The following SNRPN variants were observed in gnomAD, a reference collection of about 807,000 sequenced individuals.
The protein encoded by SNRPN is small nuclear ribonucleoprotein-associated protein N.
A neutral mutation model predicts 25.2 loss-of-function variants in SNRPN; 7 were observed. That is an observed-to-expected ratio of 0.28 (90% confidence interval 0.16 to 0.52). The LOEUF is 0.52. Ranked by LOEUF, SNRPN falls within the 20% of genes least tolerant of loss-of-function variation. The pLI is 0.96. For missense variants in SNRPN, 196 were observed against 322.5 expected, an observed-to-expected ratio of 0.61 and a Z score of 3.00; for synonymous variants, 124 against 110.6, an observed-to-expected ratio of 1.12 and a Z score of -0.76.
chr15:24,975,882 A>G (rs1047617144), intron 5 of SNRPN, among the ~76,000 whole-genome samples: 1 of 152,200 alleles, frequency 6.6e-6, no homozygotes, highest in African/African-American at 2.4e-5. Flanking sequence ...AGGAGTTGGG[A>G]TATGGTTGCC....
rs532668044 is a variant in SNRPN at position 24,861,086 on chromosome 15, G to A, written c.-579+4370G>A. Among the ~76,000 whole-genome samples, 11 of 152,246 alleles carry A rather than the reference G, an allele frequency of 7.2e-5. No individual in the cohort carries two copies. In the South Asian group the frequency reaches 1.9e-3, roughly 26 times the overall value. ...ATTGTGCCACTGCACTCTAGCCTGG[G>A]CAACAGAGTGAGACCCCATCTCAAA... On this transcript the variant is annotated intron_variant, in intron 1 of 11. Coordinates refer to the SNRPN transcript ENST00000400097.
intron 3 of SNRPN, among the ~76,000 whole-genome samples, chr15:24,936,377 C>T (rs1374436233): frequency 1.3e-5 from 2 of 152,084 alleles, no homozygotes; most frequent in Admixed American, 6.6e-5. Context: ...CGGTGCTGAA[C>T]TGTGAAGGTG....
chr15:24,925,073 TATG>T (rs2060288844), intron 3 of SNRPN, among the ~76,000 whole-genome samples: 1 of 151,872 alleles, frequency 6.6e-6, no homozygotes, highest in Non-Finnish European at 1.5e-5. Context: ...TACACAATCA[TATG>T]ATTATTTTAT....
At chr15:24,839,512 TTC>T (rs1328910167) in intron 2 of SNRPN, among the ~76,000 whole-genome samples, 2 of 152,094 alleles carry the variant, frequency 1.3e-5, no homozygotes, top group Non-Finnish European at 2.9e-5. Context: ...TCAATTGCCA[TTC>T]CCTGATGAGG....
intron 2 of SNRPN, among the ~76,000 whole-genome samples, chr15:24,887,544 C>A (rs1490696949): frequency 1.3e-5 from 2 of 151,738 alleles, no homozygotes; most frequent in African/African-American, 4.8e-5. Flanking sequence ...TGGCTCACAC[C>A]TGTAATCCCA....
At chr15:24,976,837 T>G in intron 6 of SNRPN, 40 bp from the exon 7 acceptor site, 1 of 1,583,596 alleles carries the variant, frequency 6.3e-7, no homozygotes, top group South Asian at 1.1e-5. Context: ...TGAGAACTTG[T>G]AAATTGTTTG....
At chr15:24,896,651 T>C (rs1019186929) in intron 2 of SNRPN, among the ~76,000 whole-genome samples, 1 of 151,934 alleles carries the variant, frequency 6.6e-6, no homozygotes, top group African/African-American at 2.4e-5. Context: ...GAGGCGGAGC[T>C]TGCAGTGAGC....
At chr15:24,894,848 C>T (rs1438447883) in intron 2 of SNRPN, among the ~76,000 whole-genome samples, 1 of 152,148 alleles carries the variant, frequency 6.6e-6, no homozygotes, top group Admixed American at 6.5e-5. Context: ...GTCCCTTTCT[C>T]GTTGCCAGAA....
intron 1 of SNRPN, among the ~76,000 whole-genome samples, chr15:24,858,694 G>C (rs775859217): frequency 1.3e-5 from 2 of 151,740 alleles, no homozygotes; most frequent in East Asian, 3.9e-4. Flanking sequence ...CCAGCTACTC[G>C]GGAGGCTGAG....
chr15:24,910,471 T>A (rs2059142840), intron 2 of SNRPN, among the ~76,000 whole-genome samples: 12 of 151,684 alleles, frequency 7.9e-5, no homozygotes, highest in Admixed American at 7.9e-4. Flanking sequence ...TGAGATCCCA[T>A]CTCAAAAAAA....
chr15:24,878,225 T>C (rs1595636217), intron 1 of SNRPN, among the ~76,000 whole-genome samples: 3 of 152,238 alleles, frequency 2.0e-5, no homozygotes, highest in Non-Finnish European at 4.4e-5. Flanking sequence ...TTCGCTCAAG[T>C]TTCCGTGGCG....
intron 3 of SNRPN, among the ~76,000 whole-genome samples, chr15:24,940,509 A>G (rs1028308233): frequency 2.6e-5 from 4 of 152,188 alleles, no homozygotes; most frequent in Admixed American, 2.6e-4. Flanking sequence ...AAATCATTTG[A>G]CCATATGGAA....
intron 2 of SNRPN, among the ~76,000 whole-genome samples, chr15:24,905,680 T>TA (rs2058755568): frequency 6.6e-6 from 1 of 152,162 alleles, no homozygotes; most frequent in African/African-American, 2.4e-5. Flanking sequence ...GAGAGGAGCT[T>TA]AGTTTAGCGA....
chr15:24,844,927 T>G (rs1361331282), intron 2 of SNRPN, among the ~76,000 whole-genome samples: 1 of 152,198 alleles, frequency 6.6e-6, no homozygotes, highest in Admixed American at 6.5e-5. Flanking sequence ...CCTTAGAAAT[T>G]TTATGTGTTA....
intron 2 of SNRPN, among the ~76,000 whole-genome samples, chr15:24,834,929 A>C (rs1293391793): frequency 7.7e-6 from 1 of 129,316 alleles, no homozygotes. Flanking sequence ...ATCTGAAAAA[A>C]AAAAAAGAAA....
chr15:24,920,668 C>G (rs902101759), intron 3 of SNRPN: 2 of 152,142 alleles, frequency 1.3e-5, no homozygotes, highest in African/African-American at 4.8e-5. Flanking sequence ...CACTCAAACC[C>G]CCTCAAGGGC....
rs547038905 is a variant in SNRPN at position 24,862,376 on chromosome 15, A to T, written c.-579+5660A>T. Among the ~76,000 whole-genome samples, 52 of 150,752 alleles carry T rather than the reference A, an allele frequency of 3.4e-4. 5 individuals are homozygous for T. The highest frequency in any genetic ancestry group is 1.1e-3 in the Admixed American group (17 of 15,234). Reference sequence around the variant, plus strand: ...ATTGAGGGTGGGGAGGCTGGCAAAAAGGCTGGGCAGAATCAGGGCTCACAT... The same window carrying T: ...ATTGAGGGTGGGGAGGCTGGCAAAATGGCTGGGCAGAATCAGGGCTCACAT... On this transcript the variant is annotated intron_variant, in intron 1 of 11. Transcript: ENST00000400097.
intron 2 of SNRPN, among the ~76,000 whole-genome samples, chr15:24,910,548 A>G (rs28653107): frequency 0.14 from 20,758 of 152,040 alleles, 1,709 homozygotes; most frequent in East Asian, 0.32. Context: ...CAGGAGTGCA[A>G]TGGTGCGATC....
At position 24,978,628 on chromosome 15, in the gene SNRPN, C is replaced by T. The variant is rs757571186; in HGVS notation, c.*184C>T. On this transcript the variant is annotated 3_prime_UTR_variant, in exon 10 of 10. Coordinates refer to ENST00000390687, the MANE Select transcript of SNRPN (RefSeq NM_003097.6). The stretch of plus-strand genomic sequence containing the variant: ...TTTTGCCTGTTGATTTTGATGAGAT[C>T]TTAAGTTACTGTGGATGAGGGTGAT... 5 of 632,978 alleles carry T rather than the reference C, an allele frequency of 7.9e-6. No homozygotes were observed. Among genetic ancestry groups the T allele is most frequent in the Non-Finnish European group, 1.4e-5 (5 of 359,086 alleles). 39.2% of individuals were successfully genotyped at this position (632,978 alleles called of 1,614,324 possible). A position where few individuals can be genotyped will look rare whatever the true frequency, so the allele number is the denominator to read the frequency against.
Sources: allele counts gnomAD v4.1 joint callset (sites outside exome capture counted in the v4.1 genomes callset), GRCh38; gene constraint gnomAD v4.1.1; transcripts MANE v1.5; gene names NCBI Gene and HGNC (gene_info 2026-07-23, HGNC 2026-07-21).